Variants in YPEL2 observed in about 807,000 individuals in gnomAD.
YPEL2 encodes protein yippee-like 2.
Under a neutral mutation model 19.1 loss-of-function variants are expected in YPEL2, and 2 were observed. The observed-to-expected ratio is 0.10, with a 90% CI of 0.04 to 0.33. The LOEUF (loss-of-function observed/expected upper bound fraction) is 0.33, where lower values mean the gene tolerates loss of function less well. Ranked by LOEUF, YPEL2 falls within the 10% of genes least tolerant of loss-of-function variation. The pLI, the probability that YPEL2 is intolerant of heterozygous loss-of-function variation, is 1.00. For synonymous variants in YPEL2, 52 were observed against 50.0 expected (o/e 1.04, Z -0.17); for missense variants, 66 against 140.7 (o/e 0.47, Z 2.68).
In YPEL2 at chr17:59,388,334, A is replaced by T; in HGVS notation, c.125A>T (p.Gln42Leu). Residue 42 changes from glutamine (Q) to leucine (L), a missense_variant, in exon 3 of 5, where the codon CAA becomes CTA. Coordinates refer to ENST00000312655, the MANE Select transcript of YPEL2 (RefSeq NM_001005404.4). ...NHDELISKSF[Q>L]GSQGRAYLFN... ...TGTTTTCTTGCATTTCAGTCATTCC[A>T]AGGAAGTCAAGGACGAGCATACCTC... 1 of 1,614,172 alleles carries T rather than the reference A, an allele frequency of 6.2e-7. No individual in the cohort carries two copies. The highest frequency in any genetic ancestry group is 8.5e-7 in the Non-Finnish European group (1 of 1,180,024).
intron 4 of YPEL2, among the ~76,000 whole-genome samples, chr17:59,395,166 A>G (rs1308483145): frequency 2.0e-5 from 3 of 152,124 alleles, no homozygotes; most frequent in Non-Finnish European, 4.4e-5. Flanking sequence ...CCGTGGAACA[A>G]TGGACCTTAT....
At chr17:59,331,968 G>A (rs1208275842) in intron 1 of YPEL2, 144 bp downstream of exon 1, 2 of 151,534 alleles carry the variant, frequency 1.3e-5, no homozygotes, top group Non-Finnish European at 2.9e-5. Flanking sequence ...CCTCGGTTCC[G>A]CGTGGGGTCC....
intron 1 of YPEL2, among the ~76,000 whole-genome samples, chr17:59,337,274 G>A (rs999640923): frequency 4.0e-5 from 6 of 148,158 alleles, no homozygotes; most frequent in Non-Finnish European, 8.9e-5. Context: ...TGCAAGCTCC[G>A]CCTCCCGGGT....
In YPEL2 at chr17:59,399,859, C is replaced by T. The variant is rs1001678848; in HGVS notation, c.*2669C>T. ...TAACCAAAGACCTCATTCATTCACCCCAGGTGGGTTGGGGTAATTGGAGTT... is the reference window on the plus strand; with the variant it reads ...TAACCAAAGACCTCATTCATTCACCTCAGGTGGGTTGGGGTAATTGGAGTT... On this transcript the variant is annotated 3_prime_UTR_variant, in exon 5 of 5. Transcript: ENST00000312655. 1 of 152,572 alleles carries T rather than the reference C, an allele frequency of 6.6e-6. No homozygotes were observed. Among genetic ancestry groups the T allele is most frequent in the South Asian group, 2.1e-4 (1 of 4,834 alleles). 9.5% of individuals were successfully genotyped at this position (152,572 alleles called of 1,614,324 possible). A position where few individuals can be genotyped will look rare whatever the true frequency, so the allele number is the denominator to read the frequency against.
intron 2 of YPEL2, among the ~76,000 whole-genome samples, chr17:59,358,241 G>C (rs955497796): frequency 6.6e-6 from 1 of 152,148 alleles, no homozygotes; most frequent in Non-Finnish European, 1.5e-5. Context: ...CATTTAGAAG[G>C]CAGGTGGTTT....
In YPEL2 at chr17:59,389,392, G is replaced by A; in HGVS notation, c.194G>A (p.Arg65Gln). Residue 65 changes from arginine (R) to glutamine (Q), a missense_variant, in exon 4 of 5, where the codon CGA (arginine) becomes CAA (glutamine). By Grantham distance (43) the Arg-to-Gln change is conservative (BLOSUM62 1). Transcript: ENST00000312655. ...VNVGCGPAEE[R>Q]VLLTGLHAVA... ...GTGGGCTGTGGGCCTGCAGAAGAGCGAGTGTTGCTAACAGGACTGCATGCA... is the reference window on the plus strand; with the variant it reads ...GTGGGCTGTGGGCCTGCAGAAGAGCAAGTGTTGCTAACAGGACTGCATGCA... 7 of 1,614,108 alleles carry A rather than the reference G, an allele frequency of 4.3e-6. No individual in the cohort carries two copies. The highest frequency in any genetic ancestry group is 5.9e-6 in the Non-Finnish European group (7 of 1,180,042).
At chr17:59,385,702 T>G (rs2047976476) in intron 2 of YPEL2, among the ~76,000 whole-genome samples, 1 of 152,168 alleles carries the variant, frequency 6.6e-6, no homozygotes, top group South Asian at 2.1e-4. Context: ...TTGGGTGTCA[T>G]GGGTAGTTTA....
intron 1 of YPEL2, among the ~76,000 whole-genome samples, chr17:59,342,080 C>G (rs1382801751): frequency 6.6e-6 from 1 of 152,210 alleles, no homozygotes; most frequent in Non-Finnish European, 1.5e-5. Flanking sequence ...AGCCCAGCCA[C>G]AGATGTCAGA....
intron 3 of YPEL2, 102 bp from the exon 4 acceptor site, chr17:59,389,258 T>G: frequency 9.3e-7 from 1 of 1,072,748 alleles, no homozygotes; most frequent in Non-Finnish European, 1.4e-6. Flanking sequence ...TTGGCTCCCC[T>G]TGGGACAGCC....
chr17:59,343,791 T>G (rs2047742917), intron 1 of YPEL2, among the ~76,000 whole-genome samples: 1 of 152,050 alleles, frequency 6.6e-6, no homozygotes, highest in African/African-American at 2.4e-5. Flanking sequence ...GGTTTTGAAA[T>G]GTGAAAGTGT....
At chr17:59,355,504 G>A (rs2047808000) in intron 2 of YPEL2, 1 of 152,180 alleles carries the variant, frequency 6.6e-6, no homozygotes, top group South Asian at 2.1e-4. Context: ...TTGGAACCAA[G>A]CCACATCGCC....
intron 2 of YPEL2, among the ~76,000 whole-genome samples, chr17:59,384,258 C>A (rs921128508): frequency 6.6e-6 from 1 of 152,198 alleles, no homozygotes; most frequent in Non-Finnish European, 1.5e-5. Context: ...CAAAGACTTT[C>A]TTCTGAATAT....
At chr17:59,379,083 C>T (rs1443594069) in intron 2 of YPEL2, among the ~76,000 whole-genome samples, 2 of 152,172 alleles carry the variant, frequency 1.3e-5, no homozygotes, top group African/African-American at 2.4e-5. Context: ...CCGTCTGTGT[C>T]CTCTTGTTCT....
Position 59,353,803 on chromosome 17 carries a change from T to C in YPEL2, c.117+277T>C, listed in dbSNP as rs1402012172. 1 of 417,602 alleles carries C rather than the reference T, an allele frequency of 2.4e-6. No individual in the cohort carries two copies. Among genetic ancestry groups the C allele is most frequent in the African/African-American group, 2.0e-5 (1 of 48,942 alleles). 25.9% of individuals were successfully genotyped at this position (417,602 alleles called of 1,614,324 possible). On this transcript the variant is annotated intron_variant, in intron 2 of 4. Coordinates refer to ENST00000312655, the MANE Select transcript of YPEL2 (RefSeq NM_001005404.4). This position sits in a 1 kb window ranked among gnomAD's most constrained non-coding sequence, Gnocchi z 4.8. ...AGAGAAGGGAGGGGCTGGGGATTGATGGGAGCCTTGTTCTCAGCTTGCTTG... is the reference window on the plus strand; with the variant it reads ...AGAGAAGGGAGGGGCTGGGGATTGACGGGAGCCTTGTTCTCAGCTTGCTTG...
At chr17:59,343,394 T>C (rs938662005) in intron 1 of YPEL2, among the ~76,000 whole-genome samples, 4 of 152,106 alleles carry the variant, frequency 2.6e-5, no homozygotes, top group Non-Finnish European at 5.9e-5. Context: ...AGGCCGGACC[T>C]TTGACTGCAA....
intron 1 of YPEL2, among the ~76,000 whole-genome samples, chr17:59,347,511 G>A (rs1199543825): frequency 6.6e-6 from 1 of 152,118 alleles, no homozygotes; most frequent in African/African-American, 2.4e-5. Context: ...TTTTTAAATA[G>A]ACAACACTGG....
rs1199053365 is a variant in YPEL2, at chr17:59,353,868, T to C, written c.117+342T>C. ...ACGAAGAGTGAAGAGTGCTCCCTGC[T>C]CAGAAGGTGAATTCTGATAAAGCAG... On this transcript the variant is annotated intron_variant, in intron 2 of 4. Coordinates refer to ENST00000312655, the MANE Select transcript of YPEL2 (RefSeq NM_001005404.4). This position sits in a 1 kb window ranked among gnomAD's most constrained non-coding sequence, Gnocchi z 4.8. The C allele has an allele frequency of 2.9e-6, 1 of 344,982 alleles. No homozygotes were observed. The highest frequency in any genetic ancestry group is 5.6e-6 in the Non-Finnish European group (1 of 177,804). 21.4% of individuals were successfully genotyped at this position (344,982 alleles called of 1,614,324 possible).
At chr17:59,366,128 G>A (rs980637315) in intron 2 of YPEL2, 20 of 146,398 alleles carry the variant, frequency 1.4e-4, no homozygotes, top group Admixed American at 3.6e-4. Flanking sequence ...TGACCTTAGC[G>A]TCCCAGCAGA....
chr17:59,349,301 G>T (rs1043254342), intron 1 of YPEL2, among the ~76,000 whole-genome samples: 1 of 150,364 alleles, frequency 6.7e-6, no homozygotes, highest in Admixed American at 6.6e-5. Context: ...CCATCTCTCA[G>T]CTTGTTCCTC....
Sources: gnomAD v4.1 joint callset for allele counts (sites outside exome capture counted in the v4.1 genomes callset) on GRCh38, gnomAD v4.1.1 for gene constraint, Gnocchi (gnomAD v3.1) non-coding constraint, MANE v1.5 for transcripts, NCBI Gene and HGNC (gene_info 2026-07-23, HGNC 2026-07-21) for gene names.